Variants in LMBR1 observed in about 807,000 individuals in gnomAD.
LMBR1 encodes limb region 1 protein homolog.
LMBR1 carries 52 observed loss-of-function variants against 73.9 expected under a neutral mutation model. The ratio of observed to expected loss-of-function variants is 0.70; its 90% CI spans 0.56 to 0.89. The LOEUF is 0.89. Ranked by LOEUF, LMBR1 falls within the 40% of genes least tolerant of loss-of-function variation. The pLI is 0.00. For missense variants in LMBR1, 539 were observed against 579.8 expected (o/e 0.93, Z 0.72); for synonymous variants, 215 against 209.4 (o/e 1.03, Z -0.23).
intron 3 of LMBR1, among the ~76,000 whole-genome samples, chr7:156,833,001 C>A (rs758318998): frequency 1.3e-5 from 2 of 152,142 alleles, no homozygotes; most frequent in Admixed American, 6.5e-5. Flanking sequence ...GCTGTCTATG[C>A]TAATTTCACT....
rs985149759 is a variant in LMBR1, at chr7:156,679,462, A to C, written c.*4616T>G. 6.6e-6 allele frequency: 1 copy of C among 152,212 alleles called. No individual in the cohort carries two copies. Among genetic ancestry groups the C allele is most frequent in the Non-Finnish European group, 1.5e-5 (1 of 68,038 alleles). The allele number at this position is 152,212 out of a possible 1,614,324, so 9.4% of individuals were successfully genotyped here. A position where few individuals can be genotyped will look rare whatever the true frequency, so the allele number is the denominator to read the frequency against. ...AGTCCATATAGAACAACTGTGGATGACTTCAAGATGCTGTTAAAGAGAAGT... is the reference window on the plus strand; with the variant it reads ...AGTCCATATAGAACAACTGTGGATGCCTTCAAGATGCTGTTAAAGAGAAGT... On this transcript the variant is annotated 3_prime_UTR_variant, in exon 17 of 17. Transcript: ENST00000353442.
chr7:156,789,765 A>G (rs1336004333), intron 5 of LMBR1, among the ~76,000 whole-genome samples: 1 of 152,194 alleles, frequency 6.6e-6, no homozygotes, highest in Admixed American at 6.5e-5. Context: ...TAAATCTGAC[A>G]TTTAATTTTC....
intron 15 of LMBR1, among the ~76,000 whole-genome samples, chr7:156,718,282 C>G (rs1052935725): frequency 6.6e-6 from 1 of 151,710 alleles, no homozygotes; most frequent in African/African-American, 2.4e-5. Flanking sequence ...CGCCTGTAAT[C>G]CCAGGTACTT....
Position 156,684,052 on chromosome 7 carries a change from G to A in LMBR1, c.*26C>T. 1 of 1,582,124 alleles carries A rather than the reference G, an allele frequency of 6.3e-7. No individual in the cohort carries two copies. ...GAATCTGGAGTTCTCGGGTCTCTTG[G>A]TGGCAGAAGACGCCGTCTGTGCGTC... On this transcript the variant is annotated 3_prime_UTR_variant, in exon 17 of 17. Coordinates refer to ENST00000353442, the MANE Select transcript of LMBR1 (RefSeq NM_022458.4).
intron 8 of LMBR1, among the ~76,000 whole-genome samples, chr7:156,757,101 C>T (rs891887134): frequency 6.6e-6 from 1 of 152,186 alleles, no homozygotes; most frequent in African/African-American, 2.4e-5. Context: ...TAGAAGTGAG[C>T]CACCACACCC....
rs766486329 is a variant in LMBR1 at position 156,670,069 on chromosome 7, G to GA, written n.867-783dup. Among the ~76,000 whole-genome samples, 1 of 152,092 alleles carries GA rather than the reference G, an allele frequency of 6.6e-6. No individual in the cohort carries two copies. Among genetic ancestry groups the GA allele is most frequent in the African/African-American group, 2.4e-5 (1 of 41,406 alleles). On this transcript the variant is annotated intron_variant and non_coding_transcript_variant, in intron 4 of 4. Coordinates refer to the LMBR1 transcript ENST00000430825. This position sits in a 1 kb window ranked among gnomAD's most constrained non-coding sequence, Gnocchi z 4.3. The stretch of plus-strand genomic sequence containing the variant: ...TGCTGTTTATTTAATGTTATTCTAA[G>GA]AAAAAATTAAATTATAAATTTTATG...
At chr7:156,764,436 T>C (rs964137054) in intron 5 of LMBR1, among the ~76,000 whole-genome samples, 1 of 152,160 alleles carries the variant, frequency 6.6e-6, no homozygotes, top group African/African-American at 2.4e-5. Flanking sequence ...GTAAAACAAA[T>C]TCTGACTTCA....
intron 4 of LMBR1, among the ~76,000 whole-genome samples, chr7:156,804,263 G>C (rs1055954984): frequency 1.3e-5 from 2 of 152,176 alleles, no homozygotes; most frequent in Non-Finnish European, 2.9e-5. Context: ...TTTGAGATTA[G>C]ATTGAATCGC....
At chr7:156,784,846 G>A (rs549191460) in intron 5 of LMBR1, among the ~76,000 whole-genome samples, 1 of 152,190 alleles carries the variant, frequency 6.6e-6, no homozygotes, top group South Asian at 2.1e-4. Context: ...TACTCCTCCA[G>A]GACCTGATAA....
chr7:156,718,675 T>A (rs1283852512), intron 15 of LMBR1, among the ~76,000 whole-genome samples: 1 of 152,178 alleles, frequency 6.6e-6, no homozygotes, highest in Non-Finnish European at 1.5e-5. Context: ...AAGTTGAGGC[T>A]GCAGTGAGCT....
intron 9 of LMBR1, among the ~76,000 whole-genome samples, chr7:156,739,736 C>T (rs966966679): frequency 6.6e-6 from 1 of 152,132 alleles, no homozygotes; most frequent in Non-Finnish European, 1.5e-5. Context: ...GCTTGAGGGC[C>T]GAGTTCCTTT....
At chr7:156,704,425 A>ATCT (rs1219461619) in intron 15 of LMBR1, among the ~76,000 whole-genome samples, 1 of 152,162 alleles carries the variant, frequency 6.6e-6, no homozygotes, top group African/African-American at 2.4e-5. Context: ...CAAACACATC[A>ATCT]TGGTCACATA....
chr7:156,833,061 G>A (rs182465555), intron 3 of LMBR1, among the ~76,000 whole-genome samples: 53 of 152,280 alleles, frequency 3.5e-4, no homozygotes, highest in African/African-American at 1.2e-3. Flanking sequence ...ATACATAAAA[G>A]TATCCTGAGG....
chr7:156,792,204 G>A lies in LMBR1; in HGVS notation c.423+4185C>T, dbSNP rs1343747840. ...AAATCATACAGCCAATCTGAGGTATGATAAGCACAGCAGTGATGGCTGCCT... is the reference window on the plus strand; with the variant it reads ...AAATCATACAGCCAATCTGAGGTATAATAAGCACAGCAGTGATGGCTGCCT... On this transcript the variant is annotated intron_variant, in intron 5 of 16. Transcript: ENST00000353442. 2.0e-5 allele frequency among the ~76,000 whole-genome samples: 3 copies of A among 152,164 alleles called. No individual in the cohort carries two copies. In the East Asian group the frequency reaches 5.8e-4, roughly 29 times the overall value.
rs1479193867 is a variant in LMBR1, at chr7:156,725,505, A to G, written c.1088T>C (p.Val363Ala). ...AAATCGAAGGCTATAGAAGCCGACA[A>G]CAGAGGACACCATAAGATAGCTGTG... ...ILIFYLMVSS[V>A]VGFYSLRFFG... Residue 363 changes from valine to alanine, a missense_variant, in exon 14 of 17, where the codon GTT becomes GCT. Coordinates refer to ENST00000353442, the MANE Select transcript of LMBR1 (RefSeq NM_022458.4). The G allele has an allele frequency of 1.2e-6, 2 of 1,605,682 alleles. No individual in the cohort carries two copies. The highest frequency in any genetic ancestry group is 1.7e-6 in the Non-Finnish European group (2 of 1,175,060).
intron 4 of LMBR1, among the ~76,000 whole-genome samples, chr7:156,671,839 A>G (rs1802617304): frequency 7.7e-6 from 1 of 130,606 alleles, no homozygotes; most frequent in Non-Finnish European, 1.6e-5. Flanking sequence ...GCTAGAAATA[A>G]ATTTTTTTTA....
chr7:156,869,253 T>C (rs1798918577), intron 1 of LMBR1, among the ~76,000 whole-genome samples: 1 of 152,108 alleles, frequency 6.6e-6, no homozygotes, highest in Non-Finnish European at 1.5e-5. Context: ...TTGGATATAA[T>C]ATTCAAAACC....
At chr7:156,872,739 G>C (rs989479572) in intron 1 of LMBR1, among the ~76,000 whole-genome samples, 2 of 152,082 alleles carry the variant, frequency 1.3e-5, no homozygotes, top group Non-Finnish European at 2.9e-5. Flanking sequence ...AGAAATTAAA[G>C]AAAGCTACAT....
chr7:156,734,149 ACAAGT>A (rs1563237770), intron 10 of LMBR1, 23 bp downstream of exon 10: 3 of 1,431,298 alleles, frequency 2.1e-6, no homozygotes, highest in African/African-American at 2.8e-5. Flanking sequence ...AGGCCAATAC[ACAAGT>A]CAAGAAAAAA....
Sources: gnomAD v4.1 joint callset for allele counts (sites outside exome capture counted in the v4.1 genomes callset) on GRCh38, gnomAD v4.1.1 for gene constraint, Gnocchi (gnomAD v3.1) non-coding constraint, MANE v1.5 for transcripts, NCBI Gene and HGNC (gene_info 2026-07-23, HGNC 2026-07-21) for gene names.